The following FGF14 variants were observed in gnomAD, a reference collection of about 807,000 sequenced individuals.
The protein encoded by FGF14 is fibroblast growth factor homologous factor 4.
Under a neutral mutation model 25.5 loss-of-function variants are expected in FGF14, and 5 were observed. The observed-to-expected ratio is 0.20, with a 90% CI of 0.10 to 0.41. FGF14 has a LOEUF of 0.41. FGF14 is among the 10% of genes least tolerant of loss of function. The pLI, the probability that FGF14 is intolerant of heterozygous loss-of-function variation, is 1.00. For synonymous variants in FGF14, 138 were observed against 118.3 expected (o/e 1.17, Z -1.08); for missense variants, 222 against 320.1 (o/e 0.69, Z 2.34).
chr13:102,141,707 T>C (rs1227896808), intron 1 of FGF14, among the ~76,000 whole-genome samples: 1 of 152,178 alleles, frequency 6.6e-6, no homozygotes, highest in Non-Finnish European at 1.5e-5. Flanking sequence ...TAAGTATAGG[T>C]ATGAGTTAAC....
At chr13:102,402,071 A>T (rs2058712900), upstream of FGF14, 1 of 184,048 alleles carries the variant, frequency 5.4e-6, no homozygotes, top group Non-Finnish European at 1.1e-5. Context: ...AGAGGAAAGA[A>T]AGAAAGAAAA....
At chr13:102,383,493 G>T (rs972618805) in intron 1 of FGF14, among the ~76,000 whole-genome samples, 2 of 152,110 alleles carry the variant, frequency 1.3e-5, no homozygotes, top group Admixed American at 1.3e-4. Context: ...ACTTAAAAAT[G>T]TACCCAACTT....
At chr13:101,998,139 C>CA (rs1331000050) in intron 1 of FGF14, among the ~76,000 whole-genome samples, 10 of 151,452 alleles carry the variant, frequency 6.6e-5, no homozygotes, top group South Asian at 6.3e-4. Flanking sequence ...ATACGCTTCT[C>CA]AAAAAAAACT....
At chr13:101,916,102 G>A (rs1257974731) in intron 1 of FGF14, among the ~76,000 whole-genome samples, 4 of 152,316 alleles carry the variant, frequency 2.6e-5, no homozygotes, top group East Asian at 1.9e-4. Flanking sequence ...CCCGGGTGTG[G>A]CAGGAAGGGG....
At chr13:101,787,584 C>T (rs566562153) in intron 3 of FGF14, among the ~76,000 whole-genome samples, 1 of 152,286 alleles carries the variant, frequency 6.6e-6, no homozygotes, top group African/African-American at 2.4e-5. Flanking sequence ...TCAGGAGAAA[C>T]TCCCTGTGCT....
At chr13:102,161,570 A>AGAAGAAGAAGAAGAAGAAGAAGAAGAAG (rs1555369390) in intron 1 of FGF14, among the ~76,000 whole-genome samples, 2 of 5,652 alleles carry the variant, frequency 3.5e-4, no homozygotes, top group African/African-American at 3.0e-3. Flanking sequence ...TTCTGTGAAG[A>AGAAGAAGAAGAAGAAGAAGAAGAAGAAG]AAGAAAGAAG....
At chr13:102,301,528 T>G (rs1386517321) in intron 1 of FGF14, among the ~76,000 whole-genome samples, 1 of 152,072 alleles carries the variant, frequency 6.6e-6, no homozygotes, top group Non-Finnish European at 1.5e-5. Context: ...TGGATTATAG[T>G]CCATGACAAA....
At position 102,003,665 on chromosome 13, in the gene FGF14, CTT is replaced by C. The variant is rs111575262; in HGVS notation, c.209-128371_209-128370del. Among the ~76,000 whole-genome samples the C allele has an allele frequency of 1.6e-4, 22 of 134,676 alleles. 1 individual carries two copies. The highest frequency in any genetic ancestry group is 1.9e-4 in the African/African-American group (7 of 37,664). The allele number at this position is 134,676 out of a possible 152,430, so 88.4% of individuals were successfully genotyped here. Reference sequence around the variant, plus strand: ...TTGTTTCTTTATTGCAAGGGGTTAGCTTTTTTTTTTTTTTTAATTTGGGCATT... The same window carrying C: ...TTGTTTCTTTATTGCAAGGGGTTAGCTTTTTTTTTTTTTAATTTGGGCATT... On this transcript the variant is annotated intron_variant, in intron 1 of 4. Coordinates refer to the FGF14 transcript ENST00000376131.
intron 1 of FGF14, among the ~76,000 whole-genome samples, chr13:101,948,414 T>C (rs1392666062): frequency 6.6e-6 from 1 of 151,554 alleles, no homozygotes; most frequent in Non-Finnish European, 1.5e-5. Flanking sequence ...ACTACACATA[T>C]GTAACAAACC....
intron 1 of FGF14, among the ~76,000 whole-genome samples, chr13:102,368,665 C>T (rs2057787299): frequency 6.6e-6 from 1 of 152,146 alleles, no homozygotes; most frequent in Non-Finnish European, 1.5e-5. Flanking sequence ...AAAAGATTTA[C>T]CAATCCTGAC....
intron 1 of FGF14, among the ~76,000 whole-genome samples, chr13:102,082,310 T>C (rs2043662487): frequency 6.6e-6 from 1 of 151,202 alleles, no homozygotes; most frequent in Admixed American, 6.6e-5. Context: ...CTTAGCATTA[T>C]AAAAAAAACT....
chr13:102,144,759 G>C (rs576145538), intron 1 of FGF14, among the ~76,000 whole-genome samples: 39 of 152,242 alleles, frequency 2.6e-4, no homozygotes, highest in African/African-American at 8.9e-4. Flanking sequence ...AGAGAAGACT[G>C]ACAGGAGCTT....
At chr13:101,980,701 C>T (rs1484409641) in intron 1 of FGF14, among the ~76,000 whole-genome samples, 1 of 152,142 alleles carries the variant, frequency 6.6e-6, no homozygotes, top group Non-Finnish European at 1.5e-5. Context: ...GCCAACAAGC[C>T]ATCAGGGAGG....
intron 1 of FGF14, among the ~76,000 whole-genome samples, chr13:102,291,090 G>A (rs1371397808): frequency 1.3e-5 from 2 of 152,226 alleles, no homozygotes; most frequent in Non-Finnish European, 2.9e-5. Flanking sequence ...CTAGTAAGCT[G>A]CATGTTTTCT....
intron 1 of FGF14, among the ~76,000 whole-genome samples, chr13:101,887,661 T>C (rs1222833829): frequency 1.3e-5 from 2 of 152,130 alleles, no homozygotes; most frequent in African/African-American, 4.8e-5. Context: ...TAAGGTCCAG[T>C]ATTTGATAGC....
intron 1 of FGF14, among the ~76,000 whole-genome samples, chr13:101,929,738 C>T (rs2034624285): frequency 6.6e-6 from 1 of 152,132 alleles, no homozygotes; most frequent in Non-Finnish European, 1.5e-5. Flanking sequence ...TAAATATATA[C>T]ATATATGCAC....
chr13:101,832,419 T>G (rs1475079646), intron 3 of FGF14, among the ~76,000 whole-genome samples: 1 of 152,054 alleles, frequency 6.6e-6, no homozygotes, highest in Non-Finnish European at 1.5e-5. Context: ...AAACTCACAC[T>G]GGAAGTATTG....
intron 1 of FGF14, among the ~76,000 whole-genome samples, chr13:101,972,338 A>C (rs957788895): frequency 2.6e-5 from 4 of 152,218 alleles, no homozygotes; most frequent in African/African-American, 9.6e-5. Flanking sequence ...AAAGCAGCCA[A>C]CTGAAAACAT....
Position 102,400,923 on chromosome 13 carries a change from C to T in FGF14, c.208+548G>A, listed in dbSNP as rs554477164. Among the ~76,000 whole-genome samples, 28 of 151,664 alleles carry T rather than the reference C, an allele frequency of 1.8e-4. No homozygotes were observed. The highest frequency in any genetic ancestry group is 6.5e-4 in the African/African-American group (27 of 41,342). ...GGGAATGAGTTAATGCTCGGGCACCCGGAGCTGGACGGGGGAGGGACGCGG... is the reference window on the plus strand; with the variant it reads ...GGGAATGAGTTAATGCTCGGGCACCTGGAGCTGGACGGGGGAGGGACGCGG... On this transcript the variant is annotated intron_variant, in intron 1 of 4. Transcript: ENST00000376131. The surrounding 1 kb of genome is among the most constrained non-coding windows in gnomAD (Gnocchi z 4.3).
Sources: gnomAD v4.1 joint callset for allele counts (sites outside exome capture counted in the v4.1 genomes callset) on GRCh38, gnomAD v4.1.1 for gene constraint, Gnocchi (gnomAD v3.1) non-coding constraint, MANE v1.5 for transcripts, NCBI Gene and HGNC (gene_info 2026-07-23, HGNC 2026-07-21) for gene names.